PCNX1: variants seen among roughly 807,000 people sequenced by gnomAD.
The protein encoded by PCNX1 is pecanex-like protein 1.
PCNX1 carries 78 observed loss-of-function variants against 242.2 expected under a neutral mutation model. That is an observed-to-expected ratio of 0.32 (90% CI 0.27 to 0.39). PCNX1 has a LOEUF of 0.39. Among genes scored for constraint, PCNX1 ranks in the 10% least tolerant of loss-of-function variants. The pLI, the probability that PCNX1 is intolerant of heterozygous loss-of-function variation, is 1.00. For missense variants in PCNX1, 2,581 were observed against 2,856.5 expected, an observed-to-expected ratio of 0.90 and a Z score of 2.20; for synonymous variants, 1,024 against 1,032.9, an observed-to-expected ratio of 0.99 and a Z score of 0.17.
intron 28 of PCNX1, among the ~76,000 whole-genome samples, chr14:71,087,663 T>C (rs934121043): frequency 3.9e-5 from 6 of 152,210 alleles, no homozygotes; most frequent in African/African-American, 1.4e-4. Context: ...CTTAGGACTA[T>C]ACTTTGAGAA....
At chr14:71,034,655 TC>T (rs2060480519) in intron 18 of PCNX1, among the ~76,000 whole-genome samples, 1 of 152,220 alleles carries the variant, frequency 6.6e-6, no homozygotes, top group Non-Finnish European at 1.5e-5. Flanking sequence ...AAAATCTTTT[TC>T]TCAGTTTTAG....
intron 26 of PCNX1, among the ~76,000 whole-genome samples, chr14:71,072,114 A>T (rs1269451638): frequency 6.6e-6 from 1 of 152,206 alleles, no homozygotes; most frequent in Non-Finnish European, 1.5e-5. Context: ...AAATATTGAG[A>T]GAATTACCAA....
At chr14:71,083,209 G>T (rs955811155) in intron 28 of PCNX1, among the ~76,000 whole-genome samples, 3 of 152,176 alleles carry the variant, frequency 2.0e-5, no homozygotes, top group African/African-American at 7.2e-5. Flanking sequence ...TGCGGTTTCT[G>T]CAGAGAGATC....
chr14:70,975,207 A>G (rs922420256), intron 5 of PCNX1, among the ~76,000 whole-genome samples: 3 of 152,026 alleles, frequency 2.0e-5, no homozygotes, highest in African/African-American at 7.3e-5. Context: ...ATTGCTTATT[A>G]GAGATAAAGA....
At chr14:71,070,607 A>G (rs886772306) in intron 26 of PCNX1, among the ~76,000 whole-genome samples, 1 of 152,166 alleles carries the variant, frequency 6.6e-6, no homozygotes, top group Non-Finnish European at 1.5e-5. Context: ...AATATTTGGA[A>G]AGGAATCCTT....
chr14:70,918,303 T>G (rs2056230972), intron 1 of PCNX1, among the ~76,000 whole-genome samples: 1 of 152,234 alleles, frequency 6.6e-6, no homozygotes, highest in African/African-American at 2.4e-5. Context: ...TCACTAAATT[T>G]AATCATTTCC....
intron 1 of PCNX1, among the ~76,000 whole-genome samples, chr14:70,925,913 A>G (rs1408775937): frequency 2.0e-5 from 3 of 151,524 alleles, no homozygotes; most frequent in Non-Finnish European, 4.4e-5. Context: ...ACCCTCCACC[A>G]TCATACAAGA....
intron 13 of PCNX1, among the ~76,000 whole-genome samples, chr14:71,025,855 T>C (rs2060229609): frequency 6.6e-6 from 1 of 152,082 alleles, no homozygotes; most frequent in Non-Finnish European, 1.5e-5. Flanking sequence ...GGCGACAGAG[T>C]GAGACCCTGT....
chr14:70,995,785 A>C lies in PCNX1; in HGVS notation c.2489A>C (p.Lys830Thr), dbSNP rs2059331573. ...QQGQQSTAQV[K>T]VQSRPPSQAA... is the part of the protein sequence containing the mutation. ...GGCCAGCAGTCCACAGCCCAGGTCA[A>C]AGTCCAGTCCCGCCCCCCTTCCCAG... The change falls in exon 8 of 36, where the codon AAA (lysine) becomes ACA (threonine). Residue 830 changes from lysine to threonine, a missense_variant. By Grantham distance (78) the Lys-to-Thr change is moderately conservative. Coordinates refer to ENST00000304743, the MANE Select transcript of PCNX1 (RefSeq NM_014982.3). The C allele has an allele frequency of 6.2e-7, 1 of 1,613,962 alleles. No homozygotes were observed. Among genetic ancestry groups the C allele is most frequent in the Admixed American group, 1.7e-5 (1 of 59,986 alleles).
At chr14:70,956,299 T>C (rs1054077466) in intron 2 of PCNX1, among the ~76,000 whole-genome samples, 1 of 152,014 alleles carries the variant, frequency 6.6e-6, no homozygotes, top group African/African-American at 2.4e-5. Context: ...TCCCAGCACT[T>C]TGGGAGGCCA....
chr14:70,908,401 T>C (rs1486541015), intron 1 of PCNX1, among the ~76,000 whole-genome samples: 1 of 151,826 alleles, frequency 6.6e-6, no homozygotes, highest in Non-Finnish European at 1.5e-5. Context: ...GCACGCTGGG[T>C]TCCTCGGGCG....
chr14:71,083,257 C>T lies in PCNX1; in HGVS notation c.5338-5073C>T, dbSNP rs56368167. Among the ~76,000 whole-genome samples, 508 of 152,182 alleles carry T rather than the reference C, an allele frequency of 3.3e-3. 4 individuals carry two copies. Among genetic ancestry groups the T allele is most frequent in the African/African-American group, 0.012 (478 of 41,504 alleles). Reference sequence around the variant, plus strand: ...GATGGGCTTCCCTTTGTGGGTAATCCGACCTTTCTCTCTGGCTGCCCTTAA... The same window carrying T: ...GATGGGCTTCCCTTTGTGGGTAATCTGACCTTTCTCTCTGGCTGCCCTTAA... On this transcript the variant is annotated intron_variant, in intron 28 of 35. Transcript: ENST00000304743.
intron 1 of PCNX1, 115 bp downstream of exon 1, chr14:70,908,118 C>A: frequency 2.0e-6 from 2 of 1,017,676 alleles, no homozygotes; most frequent in Non-Finnish European, 2.7e-6. Flanking sequence ...CCGCCACCCT[C>A]TCGGTGTGAG....
At chr14:71,097,714 C>T (rs1430323860) in intron 30 of PCNX1, among the ~76,000 whole-genome samples, 1 of 152,140 alleles carries the variant, frequency 6.6e-6, no homozygotes, top group Admixed American at 6.5e-5. Flanking sequence ...TGAATAGTTT[C>T]TCCCATCCTG....
intron 7 of PCNX1, among the ~76,000 whole-genome samples, chr14:70,992,083 T>G (rs1052095058): frequency 1.1e-4 from 16 of 152,212 alleles, no homozygotes; most frequent in African/African-American, 3.4e-4. Context: ...TAAAAAATTG[T>G]GCGCTTTATA....
chr14:71,084,536 T>C (rs2061935561), intron 28 of PCNX1, among the ~76,000 whole-genome samples: 1 of 151,340 alleles, frequency 6.6e-6, no homozygotes, highest in Non-Finnish European at 1.5e-5. Context: ...CTTTCAGAGA[T>C]GCCCTGCCCA....
At chr14:71,070,818 A>G (rs993755903) in intron 26 of PCNX1, among the ~76,000 whole-genome samples, 6 of 152,352 alleles carry the variant, frequency 3.9e-5, no homozygotes, top group Admixed American at 2.6e-4. Flanking sequence ...GTTAGACCCT[A>G]TCAAAGAGAG....
rs751576016 is a variant in PCNX1, at chr14:71,108,874, C to T, written c.6572C>T (p.Pro2191Leu). The T allele has an allele frequency of 2.7e-5, 43 of 1,614,100 alleles. No individual in the cohort carries two copies. The highest frequency in any genetic ancestry group is 3.6e-5 in the Non-Finnish European group (43 of 1,180,046). ...SGLACVQHGL[P>L]SSSSSSQSIP... Reference sequence around the variant, plus strand: ...CTGGCCTGTGTGCAGCACGGCCTGCCTTCCTCCAGCAGCTCCAGCCAAAGC... The same window carrying T: ...CTGGCCTGTGTGCAGCACGGCCTGCTTTCCTCCAGCAGCTCCAGCCAAAGC... Residue 2191 changes from proline to leucine, a missense_variant, in exon 34 of 36, where the codon CCT (proline) becomes CTT (leucine). Physicochemically the swap from Pro to Leu is moderately conservative, Grantham distance 98. Around this residue, in one of 9 missense-constraint regions of PCNX1, gnomAD observed 432 missense variants for 433.6 expected, o/e 1.00. Transcript: ENST00000304743.
chr14:70,941,512 C>T (rs1391835081), intron 1 of PCNX1, among the ~76,000 whole-genome samples: 1 of 152,136 alleles, frequency 6.6e-6, no homozygotes, highest in Non-Finnish European at 1.5e-5. Context: ...AGAGGGGCAC[C>T]CGGCTGTATG....
Sources: allele counts gnomAD v4.1 joint callset (sites outside exome capture counted in the v4.1 genomes callset), GRCh38; gene constraint gnomAD v4.1.1; regional missense constraint gnomAD v4.1.1; transcripts MANE v1.5; gene names NCBI Gene and HGNC (gene_info 2026-07-23, HGNC 2026-07-21).